The following PDSS1 variants were observed in gnomAD, a reference collection of about 807,000 sequenced individuals.
PDSS1 encodes the protein all trans-polyprenyl-diphosphate synthase PDSS1.
In PDSS1, 43 loss-of-function variants were observed where a neutral mutation model predicts 57.5. The ratio of observed to expected loss-of-function variants is 0.75; its 90% confidence interval spans 0.59 to 0.96. The LOEUF (loss-of-function observed/expected upper bound fraction) is 0.96. Ranked by LOEUF, PDSS1 falls within the 50% of genes least tolerant of loss-of-function variation. PDSS1 has a pLI of 0.00. For synonymous variants in PDSS1, 175 were observed against 191.3 expected (o/e 0.91, Z 0.70); for missense variants, 438 against 527.8 (o/e 0.83, Z 1.67).
chr10:26,730,798 A>G (rs572650800), intron 8 of PDSS1, among the ~76,000 whole-genome samples: 1 of 152,186 alleles, frequency 6.6e-6, no homozygotes, highest in East Asian at 1.9e-4. Flanking sequence ...CAAGTATGCT[A>G]TCTTCCCTTC....
intron 1 of PDSS1, among the ~76,000 whole-genome samples, chr10:26,699,664 G>A (rs1046364027): frequency 4.6e-5 from 7 of 151,962 alleles, no homozygotes; most frequent in African/African-American, 1.4e-4. Context: ...CCCAAAGTGC[G>A]GGGATTACAG....
chr10:26,726,989 G>A (rs2132276869), intron 8 of PDSS1, among the ~76,000 whole-genome samples: 1 of 151,958 alleles, frequency 6.6e-6, no homozygotes, highest in East Asian at 1.9e-4. Context: ...TTGAACCCGG[G>A]AGGTGGAGGT....
At chr10:26,723,267 G>T (rs750816762) in intron 6 of PDSS1, among the ~76,000 whole-genome samples, 1 of 152,208 alleles carries the variant, frequency 6.6e-6, no homozygotes, top group Admixed American at 6.5e-5. Flanking sequence ...CAGTGAAGAA[G>T]GGGGCAGAAC....
intron 4 of PDSS1, among the ~76,000 whole-genome samples, chr10:26,708,073 CTG>C (rs1296918221): frequency 6.6e-6 from 1 of 152,228 alleles, no homozygotes; most frequent in Non-Finnish European, 1.5e-5. Flanking sequence ...ACCCATCACA[CTG>C]TGTTGTGTCA....
Position 26,742,484 on chromosome 10 carries a change from CTTTTT to C in PDSS1, c.1027-10_1027-6del. 6.3e-7 allele frequency: 1 copy of C among 1,593,952 alleles called. No homozygotes were observed. The highest frequency in any genetic ancestry group is 8.6e-7 in the Non-Finnish European group (1 of 1,163,140). On this transcript the variant is annotated splice_polypyrimidine_tract_variant and splice_region_variant and intron_variant, in intron 10 of 11. Transcript: ENST00000376215. Reference sequence around the variant, plus strand: ...AAATAGATTTTCTCAGATTTTCTCTCTTTTTTTGTTAGTTCCCAGAAATGAATGCT... The same window carrying C: ...AAATAGATTTTCTCAGATTTTCTCTCTTGTTAGTTCCCAGAAATGAATGCT...
In PDSS1 at chr10:26,729,213, G is replaced by T. The variant is rs4749183; in HGVS notation, c.831+5090G>T. Among the ~76,000 whole-genome samples the T allele has an allele frequency of 8.3e-3, 1,256 of 152,228 alleles. 36 individuals carry two copies. The East Asian group carries it at 0.09, about 11-fold the overall frequency. ...TTTTTTCAGCACCCCATTTCTGGCA[G>T]GAGATATTCAGCCCTGTTATTCACT... On this transcript the variant is annotated intron_variant, in intron 8 of 11. Coordinates refer to ENST00000376215, the MANE Select transcript of PDSS1 (RefSeq NM_014317.5).
chr10:26,701,759 G>T (rs925914596), intron 1 of PDSS1: 9 of 452,924 alleles, frequency 2.0e-5, no homozygotes, highest in South Asian at 1.4e-4. Flanking sequence ...GTCCCTGCTG[G>T]GGCACTGCCT....
At position 26,735,267 on chromosome 10, in the gene PDSS1, G is replaced by C. The variant is rs768568415; in HGVS notation, c.859G>C (p.Val287Leu). The C allele has an allele frequency of 2.5e-6, 4 of 1,613,600 alleles. No homozygotes were observed. The African/African-American group carries it at 5.3e-5, about 22-fold the overall frequency. ...CTCTGTTCTAGGATGTCCCGACCCA[G>C]TGGTGCATGAGATCGCCTATCAGTA... The part of the protein sequence containing the change: ...AVSVLGCPDP[V>L]VHEIAYQYGK... The change falls in exon 9 of 12, where the codon GTG (valine) becomes CTG (leucine). Residue 287 changes from valine (V) to leucine (L), a missense_variant. Physicochemically the swap from Val to Leu is conservative, Grantham distance 32. Around this residue, in one of 2 missense-constraint regions of PDSS1, gnomAD observed 284 missense variants for 390.7 expected, o/e 0.73. Coordinates refer to ENST00000376215, the MANE Select transcript of PDSS1 (RefSeq NM_014317.5).
chr10:26,722,462 T>C (rs779301869), intron 6 of PDSS1, among the ~76,000 whole-genome samples: 40 of 152,250 alleles, frequency 2.6e-4, no homozygotes, highest in Non-Finnish European at 4.3e-4. Flanking sequence ...CCTAGCACTT[T>C]GGGAGGCCGA....
chr10:26,716,062 A>G (rs1245945336), intron 5 of PDSS1, among the ~76,000 whole-genome samples: 3 of 152,322 alleles, frequency 2.0e-5, no homozygotes, highest in Non-Finnish European at 4.4e-5. Context: ...CAAGTTAAAA[A>G]AATTCCCACT....
intron 10 of PDSS1, among the ~76,000 whole-genome samples, chr10:26,736,665 C>G (rs1208002852): frequency 1.3e-5 from 2 of 152,106 alleles, no homozygotes; most frequent in African/African-American, 4.8e-5. Context: ...GTGGCTGGAC[C>G]AGGCTACTTT....
At chr10:26,721,274 G>C (rs1835772264) in intron 6 of PDSS1, among the ~76,000 whole-genome samples, 1 of 150,554 alleles carries the variant, frequency 6.6e-6, no homozygotes, top group South Asian at 2.1e-4. Flanking sequence ...ACTCCAGCCT[G>C]GGCAACAGAG....
intron 4 of PDSS1, among the ~76,000 whole-genome samples, chr10:26,707,149 CTCAG>C (rs1835257839): frequency 1.3e-5 from 2 of 152,166 alleles, no homozygotes; most frequent in Admixed American, 1.3e-4. Flanking sequence ...GGGGAGCATG[CTCAG>C]TGTGTTTACC....
At chr10:26,708,070 A>G (rs1341620614) in intron 4 of PDSS1, among the ~76,000 whole-genome samples, 3 of 152,052 alleles carry the variant, frequency 2.0e-5, no homozygotes, top group Non-Finnish European at 2.9e-5. Flanking sequence ...CACACCCATC[A>G]CACTGTGTTG....
At chr10:26,707,524 T>A (rs1835274205) in intron 4 of PDSS1, among the ~76,000 whole-genome samples, 1 of 152,116 alleles carries the variant, frequency 6.6e-6, no homozygotes, top group African/African-American at 2.4e-5. Flanking sequence ...TTCTGACCAT[T>A]GGGCACTATT....
At chr10:26,701,649 A>G (rs148824132) in intron 1 of PDSS1, among the ~76,000 whole-genome samples, 1 of 152,370 alleles carries the variant, frequency 6.6e-6, no homozygotes, top group East Asian at 1.9e-4. Context: ...AAATGCCTCA[A>G]TGCCCAAGCA....
At chr10:26,714,998 C>T (rs758659559) in intron 5 of PDSS1, 6 of 152,198 alleles carry the variant, frequency 3.9e-5, no homozygotes, top group Non-Finnish European at 8.8e-5. Flanking sequence ...TGACTGGCTC[C>T]AGTGATTCCA....
At chr10:26,715,590 T>A (rs541837968) in intron 5 of PDSS1, 6 of 151,942 alleles carry the variant, frequency 3.9e-5, no homozygotes, top group Non-Finnish European at 8.8e-5. Flanking sequence ...AGAGACGGGG[T>A]TTCATCATGT....
intron 1 of PDSS1, among the ~76,000 whole-genome samples, chr10:26,699,218 T>TG (rs1321695921): frequency 1.3e-5 from 2 of 151,750 alleles, no homozygotes; most frequent in Non-Finnish European, 2.9e-5. Flanking sequence ...GAACAGAATA[T>TG]GGGGGGTGAG....
Sources: gnomAD v4.1 joint callset for allele counts (sites outside exome capture counted in the v4.1 genomes callset) on GRCh38, gnomAD v4.1.1 for gene constraint, gnomAD v4.1.1 regional missense constraint, MANE v1.5 for transcripts, NCBI Gene and HGNC (gene_info 2026-07-23, HGNC 2026-07-21) for gene names.